Variants in FHIT observed in about 807,000 individuals in gnomAD.
The protein encoded by FHIT is bis(5'-adenosyl)-triphosphatase.
FHIT carries 19 observed loss-of-function variants against 17.9 expected under a neutral mutation model. The observed-to-expected ratio is 1.06, with a 90% CI of 0.74 to 1.56. The LOEUF (loss-of-function observed/expected upper bound fraction) is 1.56. FHIT is among the 40% of genes most tolerant of loss of function. The pLI is 0.00. For synonymous variants in FHIT, 81 were observed against 69.7 expected, an observed-to-expected ratio of 1.16 and a Z score of -0.81; for missense variants, 248 against 189.2, an observed-to-expected ratio of 1.31 and a Z score of -1.82.
At chr3:59,968,907 A>G (rs1298147220) in intron 7 of FHIT, among the ~76,000 whole-genome samples, 1 of 152,206 alleles carries the variant, frequency 6.6e-6, no homozygotes, top group Non-Finnish European at 1.5e-5. Context: ...GTGGCAGTGC[A>G]GGAAAGAGAC....
intron 5 of FHIT, among the ~76,000 whole-genome samples, chr3:60,171,372 G>A (rs1364094448): frequency 1.3e-5 from 2 of 152,084 alleles, no homozygotes; most frequent in South Asian, 4.1e-4. Context: ...GAGCCTTTGG[G>A]TGATGTTCTC....
intron 2 of FHIT, among the ~76,000 whole-genome samples, chr3:61,185,250 G>C (rs1437355801): frequency 6.6e-6 from 1 of 152,180 alleles, no homozygotes; most frequent in Non-Finnish European, 1.5e-5. Flanking sequence ...AGCAAGCACA[G>C]ACTGCAGAGG....
chr3:60,396,592 G>C (rs565800604), intron 5 of FHIT, among the ~76,000 whole-genome samples: 1 of 152,224 alleles, frequency 6.6e-6, no homozygotes, highest in South Asian at 2.1e-4. Flanking sequence ...ACCTAAAATA[G>C]ATAAACCCAT....
intron 5 of FHIT, among the ~76,000 whole-genome samples, chr3:60,073,505 T>TGC (rs1702873316): frequency 6.6e-6 from 1 of 152,130 alleles, no homozygotes; most frequent in African/African-American, 2.4e-5. Context: ...GTCTCACGTT[T>TGC]GCTCTCTCTC....
intron 5 of FHIT, among the ~76,000 whole-genome samples, chr3:60,277,549 G>A (rs1707212862): frequency 6.6e-6 from 1 of 152,170 alleles, no homozygotes; most frequent in South Asian, 2.1e-4. Flanking sequence ...CCAGCTGGGA[G>A]AAGTCGCCAT....
At chr3:59,995,759 C>T (rs550259753) in intron 7 of FHIT, among the ~76,000 whole-genome samples, 1 of 152,188 alleles carries the variant, frequency 6.6e-6, no homozygotes, top group Admixed American at 6.5e-5. Flanking sequence ...ATACCTCAGT[C>T]TTCAACATAA....
At chr3:59,995,778 C>T (rs1056374506) in intron 7 of FHIT, among the ~76,000 whole-genome samples, 6 of 152,080 alleles carry the variant, frequency 3.9e-5, no homozygotes, top group African/African-American at 1.4e-4. Flanking sequence ...AAAGAACCAA[C>T]TCGGCACGTT....
At chr3:59,773,233 C>G (rs1702154404) in intron 8 of FHIT, among the ~76,000 whole-genome samples, 1 of 152,188 alleles carries the variant, frequency 6.6e-6, no homozygotes, top group Non-Finnish European at 1.5e-5. Context: ...TCAAGCCCTG[C>G]CTGCCCAGAG....
chr3:60,664,910 C>T (rs2040347421), intron 4 of FHIT, among the ~76,000 whole-genome samples: 1 of 151,704 alleles, frequency 6.6e-6, no homozygotes. Flanking sequence ...TTTAGAAGAA[C>T]CTGTTCTTTG....
chr3:59,894,113 G>A (rs969069261), intron 8 of FHIT, among the ~76,000 whole-genome samples: 1 of 152,000 alleles, frequency 6.6e-6, no homozygotes, highest in Non-Finnish European at 1.5e-5. Flanking sequence ...GTGTGGTGGT[G>A]CACGCCTGTA....
At chr3:59,912,199 G>C (rs752446665) in intron 8 of FHIT, among the ~76,000 whole-genome samples, 1 of 152,118 alleles carries the variant, frequency 6.6e-6, no homozygotes, top group Non-Finnish European at 1.5e-5. Flanking sequence ...CCACATTTGA[G>C]GTATCTCCAA....
intron 1 of FHIT, among the ~76,000 whole-genome samples, chr3:61,250,886 C>A (rs1215876548): frequency 6.6e-6 from 1 of 152,186 alleles, no homozygotes; most frequent in African/African-American, 2.4e-5. Flanking sequence ...GTTCAGCAAC[C>A]CCTTAGGGGA....
intron 4 of FHIT, among the ~76,000 whole-genome samples, chr3:60,686,020 T>C (rs1187829628): frequency 5.9e-5 from 9 of 152,172 alleles, no homozygotes; most frequent in African/African-American, 1.9e-4. Flanking sequence ...GCAATAAATA[T>C]TCTGTTTTTG....
intron 3 of FHIT, among the ~76,000 whole-genome samples, chr3:60,840,477 C>A (rs2106859939): frequency 6.6e-6 from 1 of 152,282 alleles, no homozygotes; most frequent in Non-Finnish European, 1.5e-5. Context: ...CCTACAAAGT[C>A]CCCAGTTTTC....
rs543375308 is a variant in FHIT, at chr3:61,213,102, G to A, written c.-212-12437C>T. Among the ~76,000 whole-genome samples the A allele has an allele frequency of 2.4e-4, 36 of 152,242 alleles. No individual in the cohort carries two copies. The Middle Eastern group carries it at 0.01, about 43-fold the overall frequency. The stretch of plus-strand genomic sequence containing the variant: ...CTAGGAAGAAACTGCATCAACTAAC[G>A]AGCAAAATAACCAGCTAACATCATA... On this transcript the variant is annotated intron_variant, in intron 1 of 9. Coordinates refer to ENST00000492590, the MANE Select transcript of FHIT (RefSeq NM_002012.4).
At chr3:60,357,260 T>G (rs1317284512) in intron 5 of FHIT, among the ~76,000 whole-genome samples, 2 of 152,182 alleles carry the variant, frequency 1.3e-5, no homozygotes, top group African/African-American at 4.8e-5. Flanking sequence ...CAGGCTGGTA[T>G]GCAGTGGCAT....
intron 4 of FHIT, among the ~76,000 whole-genome samples, chr3:60,735,586 C>G (rs782575856): frequency 5.9e-5 from 9 of 152,240 alleles, no homozygotes; most frequent in Non-Finnish European, 1.2e-4. Flanking sequence ...TAGCGGCCAT[C>G]TAACCACTAC....
intron 7 of FHIT, among the ~76,000 whole-genome samples, chr3:59,997,433 A>AT (rs1461494295): frequency 6.6e-6 from 1 of 152,182 alleles, no homozygotes; most frequent in Non-Finnish European, 1.5e-5. Flanking sequence ...AAAGCAAACT[A>AT]TTATAGCTGG....
chr3:59,971,152 G>C (rs181460176), intron 7 of FHIT, among the ~76,000 whole-genome samples: 1 of 152,008 alleles, frequency 6.6e-6, no homozygotes, highest in African/African-American at 2.4e-5. Context: ...TGATTCTGTG[G>C]CCCAGTTAAA....
Sources: gnomAD v4.1 joint callset for allele counts (sites outside exome capture counted in the v4.1 genomes callset) on GRCh38, gnomAD v4.1.1 for gene constraint, MANE v1.5 for transcripts, NCBI Gene and HGNC (gene_info 2026-07-23, HGNC 2026-07-21) for gene names.